Variants in MSRB3 observed in about 807,000 individuals in gnomAD.
MSRB3 encodes methionine sulfoxide reductase B3, also known as methionine-R-sulfoxide reductase B3.
Under a neutral mutation model 21.0 loss-of-function variants are expected in MSRB3, and 13 were observed. The ratio of observed to expected loss-of-function variants is 0.62; its 90% CI spans 0.40 to 0.98. The LOEUF is 0.98. Ranked by LOEUF, MSRB3 falls within the 50% of genes least tolerant of loss-of-function variation. The pLI is 0.00. For missense variants in MSRB3, 199 were observed against 230.3 expected, an observed-to-expected ratio of 0.86 and a Z score of 0.88; for synonymous variants, 87 against 88.6, an observed-to-expected ratio of 0.98 and a Z score of 0.10.
At chr12:65,444,235 T>G (rs956105690) in intron 5 of MSRB3, among the ~76,000 whole-genome samples, 2 of 152,208 alleles carry the variant, frequency 1.3e-5, no homozygotes, top group African/African-American at 4.8e-5. Context: ...CCAGCCATAT[T>G]GATTGAGCAC....
intron 5 of MSRB3, among the ~76,000 whole-genome samples, chr12:65,400,534 AT>A (rs1880067320): frequency 6.6e-6 from 1 of 151,754 alleles, no homozygotes; most frequent in Admixed American, 6.6e-5. Context: ...TGGTCTATCT[AT>A]TTTGTTATTC....
chr12:65,312,299 T>A (rs867154491), intron 2 of MSRB3, among the ~76,000 whole-genome samples: 1 of 152,042 alleles, frequency 6.6e-6, no homozygotes, highest in Non-Finnish European at 1.5e-5. Flanking sequence ...TACAGAGAAG[T>A]CTGCTGAGTT....
intron 4 of MSRB3, among the ~76,000 whole-genome samples, chr12:65,334,043 T>C (rs1386345002): frequency 1.3e-5 from 2 of 152,212 alleles, no homozygotes; most frequent in African/African-American, 2.4e-5. Context: ...GGGAACTCTT[T>C]TTTTTCCTTG....
intron 5 of MSRB3, among the ~76,000 whole-genome samples, chr12:65,407,367 TA>T (rs1238872148): frequency 6.6e-6 from 1 of 151,948 alleles, no homozygotes; most frequent in Non-Finnish European, 1.5e-5. Context: ...ACACTTTAAA[TA>T]TTTCACTCTG....
At chr12:65,401,910 C>A (rs901700190) in intron 5 of MSRB3, among the ~76,000 whole-genome samples, 1 of 152,140 alleles carries the variant, frequency 6.6e-6, no homozygotes, top group Non-Finnish European at 1.5e-5. Context: ...GTTTAAAATT[C>A]TTTTCTTTAA....
intron 5 of MSRB3, among the ~76,000 whole-genome samples, chr12:65,411,052 C>G (rs1880689897): frequency 6.6e-6 from 1 of 151,568 alleles, no homozygotes; most frequent in Admixed American, 6.6e-5. Context: ...GTTGAATACT[C>G]TTTGTGTAGG....
In MSRB3 at chr12:65,453,898, G is replaced by T; in HGVS notation, c.390+73G>T. The T allele has an allele frequency of 2.5e-6, 3 of 1,218,258 alleles. No homozygotes were observed. The East Asian group carries it at 7.0e-5, about 28-fold the overall frequency. The allele number at this position is 1,218,258 out of a possible 1,614,324, so 75.5% of individuals were successfully genotyped here. A position where few individuals can be genotyped will look rare whatever the true frequency, so the allele number is the denominator to read the frequency against. ...TGGTTGTGCTAAATATAGCAACTAAGGCCAAGCGACTGGTCACAAGAAGGA... is the reference window on the plus strand; with the variant it reads ...TGGTTGTGCTAAATATAGCAACTAATGCCAAGCGACTGGTCACAAGAAGGA... On this transcript the variant is annotated intron_variant, in intron 6 of 6. Coordinates refer to ENST00000308259, the MANE Select transcript of MSRB3 (RefSeq NM_001031679.3).
chr12:65,333,444 G>A (rs1369979472), intron 4 of MSRB3, among the ~76,000 whole-genome samples: 2 of 152,158 alleles, frequency 1.3e-5, no homozygotes, highest in African/African-American at 4.8e-5. Context: ...ATGCCTAGTA[G>A]AGAATACCAT....
intron 1 of MSRB3, among the ~76,000 whole-genome samples, chr12:65,302,690 G>A (rs1784133884): frequency 6.6e-6 from 1 of 152,168 alleles, no homozygotes; most frequent in South Asian, 2.1e-4. Context: ...CCAAATTCCA[G>A]CCAATGAGCT....
chr12:65,391,752 A>G (rs925434044), intron 5 of MSRB3, among the ~76,000 whole-genome samples: 2 of 152,220 alleles, frequency 1.3e-5, no homozygotes, highest in Admixed American at 1.3e-4. Flanking sequence ...TTTTTAACCT[A>G]TAATATACTT....
chr12:65,431,971 G>T (rs929992911), intron 5 of MSRB3, among the ~76,000 whole-genome samples: 1 of 151,986 alleles, frequency 6.6e-6, no homozygotes. Flanking sequence ...TCGGAAGTTG[G>T]TTATTAGGAA....
chr12:65,393,372 G>A (rs781065995), intron 5 of MSRB3, among the ~76,000 whole-genome samples: 3 of 152,092 alleles, frequency 2.0e-5, no homozygotes, highest in South Asian at 2.1e-4. Context: ...AGTGGCTCAC[G>A]CCTGTAATCC....
intron 5 of MSRB3, among the ~76,000 whole-genome samples, chr12:65,378,976 T>A (rs770801626): frequency 4.6e-5 from 7 of 152,242 alleles, no homozygotes; most frequent in Non-Finnish European, 1.0e-4. Flanking sequence ...AGCCTAAAGC[T>A]AGATATCTTT....
intron 1 of MSRB3, among the ~76,000 whole-genome samples, chr12:65,289,227 G>A (rs968505539): frequency 1.3e-5 from 2 of 152,202 alleles, no homozygotes; most frequent in Non-Finnish European, 2.9e-5. Context: ...GGGCGTGGTG[G>A]CTCACGCCTG....
chr12:65,301,950 C>G (rs1487819871), intron 1 of MSRB3, among the ~76,000 whole-genome samples: 1 of 151,864 alleles, frequency 6.6e-6, no homozygotes, highest in Admixed American at 6.6e-5. Context: ...AGAACTCTTT[C>G]CATTATACAT....
chr12:65,283,170 C>T lies in MSRB3; in HGVS notation c.-52+4305C>T, dbSNP rs551449297. Among the ~76,000 whole-genome samples, 102 of 152,280 alleles carry T rather than the reference C, an allele frequency of 6.7e-4. 2 individuals carry two copies. Among genetic ancestry groups the T allele is most frequent in the Admixed American group, 3.3e-3 (50 of 15,304 alleles). ...ATTTCTCACACATATCTAACATTTT[C>T]TGTCTCTACCTTTCCTTTAGGCTGT... On this transcript the variant is annotated intron_variant, in intron 1 of 6. Transcript: ENST00000308259.
intron 4 of MSRB3, among the ~76,000 whole-genome samples, chr12:65,347,885 G>A (rs1430144976): frequency 2.0e-5 from 3 of 151,994 alleles, no homozygotes; most frequent in African/African-American, 4.8e-5. Flanking sequence ...GCTGGATTAC[G>A]TTTACTGATT....
intron 4 of MSRB3, among the ~76,000 whole-genome samples, chr12:65,352,526 C>T (rs1877083219): frequency 2.0e-5 from 3 of 151,850 alleles, no homozygotes; most frequent in Admixed American, 1.3e-4. Context: ...GTCAAATTGT[C>T]CCTGTTTGCA....
intron 6 of MSRB3, among the ~76,000 whole-genome samples, chr12:65,456,405 C>T (rs1408543177): frequency 1.3e-5 from 2 of 152,112 alleles, no homozygotes; most frequent in African/African-American, 4.8e-5. Flanking sequence ...TTTCTCTGTG[C>T]CAGTCACATA....
Sources: gnomAD v4.1 joint callset for allele counts (sites outside exome capture counted in the v4.1 genomes callset) on GRCh38, gnomAD v4.1.1 for gene constraint, MANE v1.5 for transcripts, NCBI Gene and HGNC (gene_info 2026-07-23, HGNC 2026-07-21) for gene names.